The following ARID5B variants were observed in gnomAD, a reference collection of about 807,000 sequenced individuals.
ARID5B encodes the protein AT-rich interactive domain-containing protein 5B.
Under a neutral mutation model 97.2 loss-of-function variants are expected in ARID5B, and 13 were observed. The observed-to-expected ratio is 0.13, with a 90% CI of 0.09 to 0.21. ARID5B has a LOEUF of 0.21. ARID5B is among the 10% of genes least tolerant of loss of function. The probability of loss-of-function intolerance (pLI) is 1.00; values close to 1 mark genes in which losing one functional copy is unlikely to be tolerated. For synonymous variants in ARID5B, 556 were observed against 570.3 expected, an observed-to-expected ratio of 0.97 and a Z score of 0.36; for missense variants, 1,210 against 1,465.3, an observed-to-expected ratio of 0.83 and a Z score of 2.84.
chr10:62,074,333 A>G (rs1256857374), intron 8 of ARID5B, among the ~76,000 whole-genome samples: 1 of 152,226 alleles, frequency 6.6e-6, no homozygotes, highest in Non-Finnish European at 1.5e-5. Context: ...TTTCAAATCC[A>G]ACCTTTTGCT....
chr10:62,008,935 A>C (rs1326800267), intron 4 of ARID5B, among the ~76,000 whole-genome samples: 2 of 152,148 alleles, frequency 1.3e-5, no homozygotes, highest in African/African-American at 4.8e-5. Context: ...TTAATGAAAA[A>C]ATTATAGGTC....
chr10:62,096,548 T>C lies in ARID5B; in HGVS notation c.*3518T>C, dbSNP rs1269287858. 2 of 233,374 alleles carry C rather than the reference T, an allele frequency of 8.6e-6. No individual in the cohort carries two copies. The highest frequency in any genetic ancestry group is 4.4e-5 in the African/African-American group (2 of 45,364). The allele number at this position is 233,374 out of a possible 1,614,324, so 14.5% of individuals were successfully genotyped here. On this transcript the variant is annotated 3_prime_UTR_variant, in exon 10 of 10. Transcript: ENST00000279873. ...TGATATTCTGCCTGTCTCCTCATGG[T>C]TGAAATATGTCTGAAGAATAGCAGC...
intron 4 of ARID5B, among the ~76,000 whole-genome samples, chr10:62,041,658 C>A (rs1839639225): frequency 6.6e-6 from 1 of 152,152 alleles, no homozygotes; most frequent in African/African-American, 2.4e-5. Context: ...CCATGTTAAT[C>A]CACATACACA....
chr10:61,950,108 A>G (rs1362846241), intron 3 of ARID5B, among the ~76,000 whole-genome samples: 1 of 152,148 alleles, frequency 6.6e-6, no homozygotes, highest in Non-Finnish European at 1.5e-5. Flanking sequence ...TCCGGGTTCA[A>G]GTGATTCTCC....
At chr10:62,049,235 A>G (rs1460816310) in intron 4 of ARID5B, 5 of 1,366,480 alleles carry the variant, frequency 3.7e-6, no homozygotes, top group Non-Finnish European at 4.7e-6. Flanking sequence ...CAGTCTGGCA[A>G]CTCCAGCAAA....
At chr10:62,079,914 G>A (rs1451821827) in intron 8 of ARID5B, among the ~76,000 whole-genome samples, 4 of 152,122 alleles carry the variant, frequency 2.6e-5, no homozygotes, top group South Asian at 2.1e-4. Context: ...ATATTTCATC[G>A]TTGTTAATAG....
At chr10:62,076,561 C>CAAAAAAAAAAA (rs11363274) in intron 8 of ARID5B, among the ~76,000 whole-genome samples, 2,064 of 92,210 alleles carry the variant, frequency 0.022, 133 homozygotes, top group Middle Eastern at 0.032. Flanking sequence ...GACTCTGTCT[C>CAAAAAAAAAAA]AAAAAAAAAA....
intron 4 of ARID5B, among the ~76,000 whole-genome samples, chr10:62,006,100 A>T (rs1237904662): frequency 1.3e-5 from 2 of 152,170 alleles, no homozygotes; most frequent in Non-Finnish European, 2.9e-5. Context: ...TACTTGGAGG[A>T]CTGCTTTGTT....
At chr10:62,063,911 TA>T (rs1839954458) in intron 7 of ARID5B, among the ~76,000 whole-genome samples, 2 of 152,212 alleles carry the variant, frequency 1.3e-5, no homozygotes, top group African/African-American at 4.8e-5. Context: ...GGTGGTTTGC[TA>T]AAGTGATTTC....
intron 2 of ARID5B, among the ~76,000 whole-genome samples, chr10:61,907,163 C>T (rs1276629369): frequency 6.6e-6 from 1 of 152,162 alleles, no homozygotes; most frequent in Non-Finnish European, 1.5e-5. Context: ...TTAGCTGTGT[C>T]ACCAAAATAA....
chr10:62,014,190 A>T (rs549917436), intron 4 of ARID5B, among the ~76,000 whole-genome samples: 3 of 152,226 alleles, frequency 2.0e-5, no homozygotes, highest in Non-Finnish European at 4.4e-5. Context: ...ACTGTTTCCC[A>T]TAATGGCTGT....
At chr10:62,035,887 C>T (rs1209910074) in intron 4 of ARID5B, among the ~76,000 whole-genome samples, 12 of 152,100 alleles carry the variant, frequency 7.9e-5, no homozygotes, top group African/African-American at 2.9e-4. Flanking sequence ...TGCAGTGGCA[C>T]GATCTCGGCT....
rs1840394864 is a variant in ARID5B at position 62,092,457 on chromosome 10, C to T, written c.2994C>T (p.His998=). ...AAGGCATGGTCCACCCAATCCTGCA[C>T]CGGAAAATGAGCCCGCAGAACATTG... ...KMEGMVHPIL[H]RKMSPQNIGA... The change falls in exon 10 of 10, where the codon CAC becomes CAT. Residue 998 remains histidine, a synonymous_variant. Coordinates refer to ENST00000279873, the MANE Select transcript of ARID5B (RefSeq NM_032199.3). 1 of 1,614,082 alleles carries T rather than the reference C, an allele frequency of 6.2e-7. No homozygotes were observed. The highest frequency in any genetic ancestry group is 1.3e-5 in the African/African-American group (1 of 74,934).
At chr10:61,905,122 C>T (rs1843688357) in intron 2 of ARID5B, among the ~76,000 whole-genome samples, 1 of 152,120 alleles carries the variant, frequency 6.6e-6, no homozygotes, top group Non-Finnish European at 1.5e-5. Context: ...GATGCATTTG[C>T]CATTTGCAAT....
rs1843887770 is a variant in ARID5B, at chr10:61,915,609, CT to C, written c.276+13197del. 5.3e-5 allele frequency among the ~76,000 whole-genome samples: 8 copies of C among 152,224 alleles called. No individual in the cohort carries two copies. The South Asian group carries it at 6.2e-4, about 12-fold the overall frequency. ...TTGCCCACTGGAGGGACCAGTTGGT[CT>C]AGGTATCATCTAGACACCTGGGGTG... On this transcript the variant is annotated intron_variant, in intron 2 of 9. Coordinates refer to ENST00000279873, the MANE Select transcript of ARID5B (RefSeq NM_032199.3).
At chr10:61,903,808 G>A (rs923444533) in intron 2 of ARID5B, among the ~76,000 whole-genome samples, 1 of 151,770 alleles carries the variant, frequency 6.6e-6, no homozygotes, top group African/African-American at 2.4e-5. Flanking sequence ...GGTCTATGCC[G>A]GTTAATTACT....
chr10:62,071,635 G>T (rs1840067541), intron 8 of ARID5B, among the ~76,000 whole-genome samples: 1 of 151,588 alleles, frequency 6.6e-6, no homozygotes, highest in African/African-American at 2.4e-5. Flanking sequence ...GATTGAGCAG[G>T]TCTGTGAATA....
At position 62,091,018 on chromosome 10, in the gene ARID5B, G is replaced by A. The variant is rs374377066; in HGVS notation, c.1555G>A (p.Glu519Lys). Residue 519 changes from glutamate (E) to lysine (K), a missense_variant, in exon 10 of 10, where the codon GAA becomes AAA. Transcript: ENST00000279873. ...ASRVDPEKDN[E>K]TDQGSNSEKV... ...CAGAGTAGACCCAGAGAAGGACAACGAAACAGACCAAGGTTCCAACAGTGA... is the reference window on the plus strand; with the variant it reads ...CAGAGTAGACCCAGAGAAGGACAACAAAACAGACCAAGGTTCCAACAGTGA... 7.4e-5 allele frequency: 120 copies of A among 1,614,014 alleles called. No homozygotes were observed. The highest frequency in any genetic ancestry group is 1.6e-4 in the Middle Eastern group (1 of 6,084).
intron 3 of ARID5B, among the ~76,000 whole-genome samples, chr10:61,986,415 G>C (rs1838848086): frequency 1.3e-5 from 2 of 152,342 alleles, no homozygotes; most frequent in African/African-American, 4.8e-5. Flanking sequence ...TAAGCTGGCT[G>C]TGTGTGCTGA....
Sources: gnomAD v4.1 joint callset for allele counts (sites outside exome capture counted in the v4.1 genomes callset) on GRCh38, gnomAD v4.1.1 for gene constraint, MANE v1.5 for transcripts, NCBI Gene and HGNC (gene_info 2026-07-23, HGNC 2026-07-21) for gene names.